Variants in KLHL32 observed in about 807,000 individuals in gnomAD.
KLHL32 encodes the protein kelch like family member 32, also known as kelch-like protein 32.
KLHL32 carries 35 observed loss-of-function variants against 64.8 expected under a neutral mutation model. The ratio of observed to expected loss-of-function variants is 0.54; its 90% CI spans 0.41 to 0.72. The LOEUF (loss-of-function observed/expected upper bound fraction) is 0.72, where lower values mean the gene tolerates loss of function less well. Among genes scored for constraint, KLHL32 ranks in the 30% least tolerant of loss-of-function variants. The pLI, the probability that KLHL32 is intolerant of heterozygous loss-of-function variation, is 0.00. For synonymous variants in KLHL32, 259 were observed against 281.0 expected (o/e 0.92, Z 0.78); for missense variants, 589 against 768.5 (o/e 0.77, Z 2.76).
chr6:96,948,186 G>A (rs1184462982), intron 1 of KLHL32, among the ~76,000 whole-genome samples: 5 of 152,148 alleles, frequency 3.3e-5, no homozygotes, highest in African/African-American at 4.8e-5. Flanking sequence ...AATGCTAGAC[G>A]CAGCACAATG....
In KLHL32 at chr6:97,085,302, C is replaced by T; in HGVS notation, c.588C>T (p.Ser196=). Residue 196 remains serine, a synonymous_variant, in exon 6 of 11, where the codon AGC becomes AGT. Coordinates refer to ENST00000369261, the MANE Select transcript of KLHL32 (RefSeq NM_052904.4). ...PYCLLQEVLK[S]DRLTSLSEEQ... is the part of the protein sequence containing the mutation. ...GCCTGCTTCAGGAGGTGCTGAAGAG[C>T]GACCGCCTGACCTCCCTGAGTGAAG... is the stretch of plus-strand genomic sequence containing the variant. 1.2e-6 allele frequency: 2 copies of T among 1,613,054 alleles called. No homozygotes were observed. Among genetic ancestry groups the T allele is most frequent in the Admixed American group, 1.7e-5 (1 of 60,022 alleles).
intron 1 of KLHL32, among the ~76,000 whole-genome samples, chr6:96,930,450 A>G (rs1366892077): frequency 6.6e-6 from 1 of 152,154 alleles, no homozygotes; most frequent in Non-Finnish European, 1.5e-5. Flanking sequence ...GAATTATGTT[A>G]CCTAGATTAT....
chr6:97,081,069 T>C (rs905861332), intron 5 of KLHL32, among the ~76,000 whole-genome samples: 9 of 152,228 alleles, frequency 5.9e-5, no homozygotes, highest in African/African-American at 1.7e-4. Context: ...ACAATTACCA[T>C]TGAAAACATG....
intron 4 of KLHL32, 131 bp downstream of exon 4, chr6:97,041,730 C>T (rs1298397876): frequency 1.8e-6 from 1 of 568,504 alleles, no homozygotes; most frequent in African/African-American, 1.9e-5. Context: ...AGATTCACAT[C>T]CTCTTAATTT....
At chr6:96,962,745 C>T (rs965065625) in intron 1 of KLHL32, among the ~76,000 whole-genome samples, 1 of 152,076 alleles carries the variant, frequency 6.6e-6, no homozygotes, top group Non-Finnish European at 1.5e-5. Flanking sequence ...TATACAGCCC[C>T]CTGTGATAAG....
intron 7 of KLHL32, among the ~76,000 whole-genome samples, chr6:97,120,305 C>T (rs966912690): frequency 1.3e-5 from 2 of 152,080 alleles, no homozygotes; most frequent in East Asian, 1.9e-4. Flanking sequence ...TAGATTGATT[C>T]AAATGAGAAA....
intron 3 of KLHL32, among the ~76,000 whole-genome samples, chr6:96,989,205 T>C (rs190509569): frequency 3.2e-4 from 49 of 152,374 alleles, no homozygotes; most frequent in East Asian, 1.2e-3. Context: ...CAGTGGCCTA[T>C]ATACATAAGT....
intron 1 of KLHL32, among the ~76,000 whole-genome samples, chr6:96,951,135 G>GA (rs142390286): frequency 0.099 from 15,017 of 151,952 alleles, 789 homozygotes; most frequent in Middle Eastern, 0.16. Flanking sequence ...ATTAATAATG[G>GA]AAAAATATAC....
At chr6:97,050,476 GC>G (rs1333656924) in intron 4 of KLHL32, among the ~76,000 whole-genome samples, 1 of 152,138 alleles carries the variant, frequency 6.6e-6, no homozygotes, top group Non-Finnish European at 1.5e-5. Flanking sequence ...AGGGCTACCC[GC>G]AGGTAGGGCT....
At chr6:96,922,740 G>C (rs142226906), upstream of KLHL32, among the ~76,000 whole-genome samples, 1 of 152,304 alleles carries the variant, frequency 6.6e-6, no homozygotes, top group South Asian at 2.1e-4. Context: ...GTACCTAAGA[G>C]AGAAATGGTG....
chr6:96,949,718 T>C (rs1365463382), intron 1 of KLHL32, among the ~76,000 whole-genome samples: 6 of 152,152 alleles, frequency 3.9e-5, no homozygotes, highest in Non-Finnish European at 8.8e-5. Context: ...ATATTCATAG[T>C]GTAATTGGTA....
intron 3 of KLHL32, among the ~76,000 whole-genome samples, chr6:97,035,894 G>A (rs1737629): frequency 6.6e-6 from 1 of 151,848 alleles, no homozygotes; most frequent in Admixed American, 6.6e-5. Context: ...GAATGTTTTT[G>A]GTAATTATTC....
At chr6:96,956,712 TTTC>T (rs1773319138) in intron 1 of KLHL32, among the ~76,000 whole-genome samples, 2 of 151,814 alleles carry the variant, frequency 1.3e-5, no homozygotes, top group African/African-American at 4.9e-5. Context: ...GCCTCTCCTT[TTTC>T]TTCTGGGAAA....
At chr6:97,097,619 G>T (rs1426891646) in intron 6 of KLHL32, among the ~76,000 whole-genome samples, 1 of 143,804 alleles carries the variant, frequency 7.0e-6, no homozygotes, top group African/African-American at 2.6e-5. Context: ...GACCTTCACA[G>T]CAGCTTTCTC....
chr6:97,042,532 T>C (rs1234254954), intron 4 of KLHL32, among the ~76,000 whole-genome samples: 2 of 152,214 alleles, frequency 1.3e-5, no homozygotes, highest in East Asian at 1.9e-4. Context: ...TATATACTTA[T>C]GTGATGTAAA....
At chr6:97,009,250 A>G (rs758420935) in intron 3 of KLHL32, among the ~76,000 whole-genome samples, 1 of 151,926 alleles carries the variant, frequency 6.6e-6, no homozygotes, top group Non-Finnish European at 1.5e-5. Context: ...ATAAACCAAA[A>G]TTCTGTTAAG....
chr6:97,027,428 G>T (rs1241864076), intron 3 of KLHL32, among the ~76,000 whole-genome samples: 1 of 152,164 alleles, frequency 6.6e-6, no homozygotes, highest in African/African-American at 2.4e-5. Context: ...ATTGAAACTT[G>T]TTAAAAACTT....
At chr6:97,087,580 G>T (rs551672951) in intron 6 of KLHL32, among the ~76,000 whole-genome samples, 19 of 152,198 alleles carry the variant, frequency 1.2e-4, no homozygotes, top group Non-Finnish European at 2.6e-4. Context: ...AGGTGTTGGG[G>T]AGGAGAAAGG....
chr6:96,920,120 T>C (rs2127981522), upstream of KLHL32, among the ~76,000 whole-genome samples: 1 of 152,236 alleles, frequency 6.6e-6, no homozygotes, highest in South Asian at 2.1e-4. Flanking sequence ...TGGATAGGCT[T>C]CCCTGGGCTG....
Sources: gnomAD v4.1 joint callset for allele counts (sites outside exome capture counted in the v4.1 genomes callset) on GRCh38, gnomAD v4.1.1 for gene constraint, MANE v1.5 for transcripts, NCBI Gene and HGNC (gene_info 2026-07-23, HGNC 2026-07-21) for gene names.